KCNT1: variants seen among roughly 807,000 people sequenced by gnomAD.
KCNT1 encodes potassium channel subfamily T member 1.
In KCNT1, 78 loss-of-function variants were observed where a neutral mutation model predicts 147.8. The ratio of observed to expected loss-of-function variants is 0.53; its 90% confidence interval spans 0.44 to 0.64. KCNT1 has a LOEUF of 0.64. Ranked by LOEUF, KCNT1 falls within the 30% of genes least tolerant of loss-of-function variation. KCNT1 has a pLI of 0.00. For synonymous variants in KCNT1, 867 were observed against 748.8 expected (o/e 1.16, Z -2.58); for missense variants, 1,419 against 1,750.3 (o/e 0.81, Z 3.38).
At chr9:135,759,009 G>T (rs757588567) in intron 10 of KCNT1, among the ~76,000 whole-genome samples, 8 of 152,238 alleles carry the variant, frequency 5.3e-5, no homozygotes, top group Non-Finnish European at 1.2e-4. Flanking sequence ...CCCGTCCCCA[G>T]GCAGGGATGT....
intron 19 of KCNT1, among the ~76,000 whole-genome samples, chr9:135,773,332 G>A (rs1343528946): frequency 6.6e-6 from 1 of 152,152 alleles, no homozygotes; most frequent in African/African-American, 2.4e-5. Context: ...ATAGTGGCCC[G>A]GCCACTCTCT....
intron 2 of KCNT1, among the ~76,000 whole-genome samples, chr9:135,727,838 A>G (rs1364602516): frequency 6.6e-6 from 1 of 152,216 alleles, no homozygotes; most frequent in African/African-American, 2.4e-5. Flanking sequence ...AAGGATGACC[A>G]TCCTGACTGA....
At chr9:135,761,450 G>C (rs1831906790) in intron 11 of KCNT1, among the ~76,000 whole-genome samples, 1 of 152,178 alleles carries the variant, frequency 6.6e-6, no homozygotes, top group South Asian at 2.1e-4. Context: ...CAGTGTGGGG[G>C]GCACTCCGTG....
At chr9:135,707,161 C>T (rs1030268595) in intron 1 of KCNT1, among the ~76,000 whole-genome samples, 2 of 152,100 alleles carry the variant, frequency 1.3e-5, no homozygotes, top group South Asian at 2.1e-4. Flanking sequence ...CAGATAAGGC[C>T]CGGTGCACCC....
intron 2 of KCNT1, among the ~76,000 whole-genome samples, chr9:135,734,874 C>T (rs1415110489): frequency 3.9e-5 from 6 of 152,194 alleles, no homozygotes; most frequent in Admixed American, 3.9e-4. Context: ...TGATGTCCAT[C>T]GGCCCTTTGT....
At position 135,711,820 on chromosome 9, in the gene KCNT1, A is replaced by G. The variant is rs78716119; in HGVS notation, c.111-2757A>G. ...CCACCCTGGGTCATAGCCTTTGTCC[A>G]TAAGAGCTCAGCCAAACTGCTGGCC... On this transcript the variant is annotated intron_variant, in intron 1 of 30. Coordinates refer to ENST00000371757, the MANE Select transcript of KCNT1 (RefSeq NM_020822.3). Among the ~76,000 whole-genome samples the G allele has an allele frequency of 3.1e-4, 47 of 152,342 alleles. No homozygotes were observed. The East Asian group carries it at 5.2e-3, about 17-fold the overall frequency.
Position 135,753,982 on chromosome 9 carries a change from C to T in KCNT1, c.480C>T (p.Ser160=), listed in dbSNP as rs374042509. ...ACTACTCCTTCAATGACTCGTCCTC[C>T]GAGATCAACTGGTGAGTCCACACTC... ...KQNYSFNDSS[S]EINWAPILWV... is the part of the protein sequence containing the mutation. Residue 160 remains serine (S), a synonymous_variant, in exon 5 of 31, where the codon TCC becomes TCT. Transcript: ENST00000371757. The T allele has an allele frequency of 5.9e-5, 95 of 1,613,960 alleles. No homozygotes were observed. Among genetic ancestry groups the T allele is most frequent in the African/African-American group, 9.3e-5 (7 of 74,928 alleles).
In KCNT1 at chr9:135,730,672, C is replaced by G. The variant is rs931801406; in HGVS notation, c.254+15952C>G. On this transcript the variant is annotated intron_variant, in intron 2 of 30. Coordinates refer to ENST00000371757, the MANE Select transcript of KCNT1 (RefSeq NM_020822.3). The surrounding 1 kb of genome is among the most constrained non-coding windows in gnomAD (Gnocchi z 4.7). The stretch of plus-strand genomic sequence containing the variant: ...GCACTTCAGGCTTGGGATTTCGGAC[C>G]TCCGGGATGGTGTGCTTAAAACACT... 2.0e-5 allele frequency among the ~76,000 whole-genome samples: 3 copies of G among 152,150 alleles called. No homozygotes were observed. The highest frequency in any genetic ancestry group is 6.5e-5 in the Admixed American group (1 of 15,282).
Position 135,765,758 on chromosome 9 carries a change from C to T in KCNT1, c.1335C>T (p.Ala445=), listed in dbSNP as rs751944320. ...TCAAAGACCAGGACCTCATGCGAGCCAAGTGAGTGCTGGTGGGCGGAGGGG... is the reference window on the plus strand; with the variant it reads ...TCAAAGACCAGGACCTCATGCGAGCTAAGTGAGTGCTGGTGGGCGGAGGGG... The part of the protein sequence containing the change: ...SALKDQDLMR[A]KMDNGEACFI... Residue 445 remains alanine (A), a splice_region_variant and synonymous_variant, in exon 13 of 31, where the codon GCC becomes GCT. Coordinates refer to ENST00000371757, the MANE Select transcript of KCNT1 (RefSeq NM_020822.3). The T allele has an allele frequency of 2.7e-6, 4 of 1,492,470 alleles. No homozygotes were observed. The highest frequency in any genetic ancestry group is 4.7e-5 in the East Asian group (2 of 42,970). 92.5% of individuals were successfully genotyped at this position (1,492,470 alleles called of 1,614,324 possible). A position where few individuals can be genotyped will look rare whatever the true frequency, so the allele number is the denominator to read the frequency against.
intron 2 of KCNT1, among the ~76,000 whole-genome samples, chr9:135,732,022 AGAGAGAGAGAGAGAGAGAGG>A (rs1564328275): frequency 1.5e-5 from 2 of 129,408 alleles, no homozygotes; most frequent in African/African-American, 5.9e-5. Context: ...AGAGAGAGAG[AGAGAGAGAGAGAGAGAGAGG>A]GAGTCTCACT....
chr9:135,779,804 C>T (rs1041019135), intron 24 of KCNT1, among the ~76,000 whole-genome samples: 2 of 152,246 alleles, frequency 1.3e-5, no homozygotes, highest in African/African-American at 4.8e-5. Context: ...TCAGAACTCC[C>T]GTGGGGAGCC....
At chr9:135,721,973 C>T (rs1043501098) in intron 2 of KCNT1, among the ~76,000 whole-genome samples, 6 of 152,308 alleles carry the variant, frequency 3.9e-5, no homozygotes, top group East Asian at 1.9e-4. Context: ...CTCCCTCCGA[C>T]GGTGGGTTCC....
rs561634288 is a variant in KCNT1, at chr9:135,787,655, G to A, written c.3502+1134G>A. ...GGAGACTCAGAGGCCAGGGTTTGGG[G>A]AACAGGTGGCCTGTGAAGACCTTTC... On this transcript the variant is annotated intron_variant, in intron 29 of 30. Transcript: ENST00000371757. Among the ~76,000 whole-genome samples the A allele has an allele frequency of 7.5e-4, 115 of 152,318 alleles. 1 individual carries two copies. The South Asian group carries it at 0.023, about 30-fold the overall frequency.
intron 19 of KCNT1, among the ~76,000 whole-genome samples, chr9:135,774,650 G>A (rs761690865): frequency 6.6e-6 from 1 of 152,130 alleles, no homozygotes; most frequent in Admixed American, 6.5e-5. Context: ...GTGTCTGGGT[G>A]TGTGGTGTGT....
Position 135,765,616 on chromosome 9 carries a change from G to T in KCNT1, c.1201-8G>T. 1.9e-6 allele frequency: 3 copies of T among 1,603,750 alleles called. No individual in the cohort carries two copies. Among genetic ancestry groups the T allele is most frequent in the Non-Finnish European group, 2.6e-6 (3 of 1,173,844 alleles). ...CTCAGAGGGTCTGACCCTCCGCCTGGCCGGCAGGACTATTACGTGGTCATC... is the reference window on the plus strand; with the variant it reads ...CTCAGAGGGTCTGACCCTCCGCCTGTCCGGCAGGACTATTACGTGGTCATC... On this transcript the variant is annotated splice_polypyrimidine_tract_variant and splice_region_variant and intron_variant, in intron 12 of 30. Transcript: ENST00000371757.
intron 2 of KCNT1, among the ~76,000 whole-genome samples, chr9:135,731,984 A>G (rs1402992104): frequency 1.6e-5 from 1 of 62,094 alleles, no homozygotes; most frequent in Non-Finnish European, 3.2e-5. Flanking sequence ...ATATATATAT[A>G]TATATATAGA....
chr9:135,714,630 G>A lies in KCNT1; in HGVS notation c.164G>A (p.Ser55Asn). 6.8e-7 allele frequency: 1 copy of A among 1,464,632 alleles called. No homozygotes were observed. The highest frequency in any genetic ancestry group is 9.1e-7 in the Non-Finnish European group (1 of 1,096,682). 90.7% of individuals were successfully genotyped at this position (1,464,632 alleles called of 1,614,324 possible). The change falls in exon 2 of 31, where the codon AGC (serine) becomes AAC (asparagine). Residue 55 changes from serine (S) to asparagine (N), a missense_variant. Ser to Asn is a conservative substitution (Grantham distance 46, BLOSUM62 1). This residue lies in a region of KCNT1 where 181 missense variants were observed against 155.7 expected (regional missense o/e 1.16). Coordinates refer to ENST00000371757, the MANE Select transcript of KCNT1 (RefSeq NM_020822.3). This position sits in a 1 kb window ranked among gnomAD's most constrained non-coding sequence, Gnocchi z 6.2. ...ALLDTAGFKM[S>N]DLDSEVLPLP... The stretch of plus-strand genomic sequence containing the variant: ...CTGGACACCGCCGGCTTCAAGATGA[G>A]CGACCTGGACTCCGAGGTGCTGCCC...
At chr9:135,777,985 A>ATGCTCTCAGCTCCTCCC (rs71505366) in intron 21 of KCNT1, among the ~76,000 whole-genome samples, 43,168 of 144,096 alleles carry the variant, frequency 0.3, 6,786 homozygotes, top group African/African-American at 0.44. Flanking sequence ...CAGCTCCTCC[A>ATGCTCTCAGCTCCTCCC]TGCTCTCAGC....
Position 135,792,419 on chromosome 9 carries a change from A to G in KCNT1, c.*258A>G, listed in dbSNP as rs1834608554. ...ATGCAGTCCACTTCTCTTTACACAG[A>G]TGTACCGCAACTCGTGACCAGGGCT... On this transcript the variant is annotated 3_prime_UTR_variant, in exon 31 of 31. Coordinates refer to ENST00000371757, the MANE Select transcript of KCNT1 (RefSeq NM_020822.3). 2.8e-6 allele frequency: 1 copy of G among 363,042 alleles called. No individual in the cohort carries two copies. Among genetic ancestry groups the G allele is most frequent in the African/African-American group, 2.1e-5 (1 of 47,324 alleles). The allele number at this position is 363,042 out of a possible 1,614,324, so 22.5% of individuals were successfully genotyped here.
Sources: gnomAD v4.1 joint callset for allele counts (sites outside exome capture counted in the v4.1 genomes callset) on GRCh38, gnomAD v4.1.1 for gene constraint, gnomAD v4.1.1 regional missense constraint, Gnocchi (gnomAD v3.1) non-coding constraint, MANE v1.5 for transcripts, NCBI Gene and HGNC (gene_info 2026-07-23, HGNC 2026-07-21) for gene names.